Variants in GSN observed in about 807,000 individuals in gnomAD.
The protein encoded by GSN is gelsolin, also known as actin-depolymerizing factor.
GSN carries 56 observed loss-of-function variants against 85.7 expected under a neutral mutation model. The observed-to-expected ratio is 0.65, with a 90% CI of 0.53 to 0.82. The LOEUF (loss-of-function observed/expected upper bound fraction) is 0.82. Among genes scored for constraint, GSN ranks in the 40% least tolerant of loss-of-function variants. GSN has a pLI of 0.00. For synonymous variants in GSN, 373 were observed against 399.1 expected (o/e 0.93, Z 0.78); for missense variants, 857 against 979.8 (o/e 0.87, Z 1.67).
intron 4 of GSN, among the ~76,000 whole-genome samples, chr9:121,216,670 C>T (rs1007119163): frequency 2.6e-5 from 4 of 152,184 alleles, no homozygotes; most frequent in Admixed American, 2.0e-4. Flanking sequence ...CAGGACTTCT[C>T]CCTGTTTTCT....
At chr9:121,320,517 C>A (rs949591744) in intron 10 of GSN, among the ~76,000 whole-genome samples, 2 of 152,064 alleles carry the variant, frequency 1.3e-5, no homozygotes, top group African/African-American at 4.8e-5. Flanking sequence ...TGGTGGCAGG[C>A]ACCTGTAATC....
chr9:121,272,165 G>A (rs1395698919), intron 1 of GSN, among the ~76,000 whole-genome samples: 1 of 152,198 alleles, frequency 6.6e-6, no homozygotes, highest in Non-Finnish European at 1.5e-5. Context: ...GAGACCACAG[G>A]CAGGCTCAGT....
chr9:121,262,768 G>T (rs563652319), intron 6 of GSN, among the ~76,000 whole-genome samples: 13 of 152,278 alleles, frequency 8.5e-5, no homozygotes, highest in African/African-American at 2.9e-4. Context: ...TAAAATAGTG[G>T]GACAAACACA....
chr9:121,329,243 A>G lies in GSN; in HGVS notation c.1893A>G (p.Glu631=). 1 of 1,610,250 alleles carries G rather than the reference A, an allele frequency of 6.2e-7. No homozygotes were observed. The highest frequency in any genetic ancestry group is 8.5e-7 in the Non-Finnish European group (1 of 1,176,474). ...GCTCTTTCGTTCCTTCCCAGATCGA[A>G]GAGGTTCCTGGTGAGCTCATGCAGG... The part of the protein sequence containing the change: ...CSNKIGRFVI[E]EVPGELMQED... The change falls in exon 16 of 18, where the codon GAA becomes GAG. Residue 631 remains glutamate, a synonymous_variant. Transcript: ENST00000432226. This position sits in a 1 kb window ranked among gnomAD's most constrained non-coding sequence, Gnocchi z 4.6.
chr9:121,257,793 C>T (rs958150279), intron 6 of GSN, among the ~76,000 whole-genome samples: 1 of 152,060 alleles, frequency 6.6e-6, no homozygotes, highest in Non-Finnish European at 1.5e-5. Context: ...ATCACTTGAA[C>T]CTGGGATGTG....
Position 121,299,277 on chromosome 9 carries a change from C to T in GSN, c.-9-2686C>T. The stretch of plus-strand genomic sequence containing the variant: ...GCCGGCTTCACCTGCCCACGGGAGC[C>T]GGGTCCCCTGCCCTGCTGCGGCGCA... On this transcript the variant is annotated intron_variant, in intron 2 of 17. Coordinates refer to ENST00000432226, the MANE Select transcript of GSN (RefSeq NM_198252.3). The surrounding 1 kb of genome is among the most constrained non-coding windows in gnomAD (Gnocchi z 4.2). 1.0e-6 allele frequency: 1 copy of T among 985,194 alleles called. No individual in the cohort carries two copies. Among genetic ancestry groups the T allele is most frequent in the Non-Finnish European group, 1.2e-6 (1 of 829,694 alleles). 61.0% of individuals were successfully genotyped at this position (985,194 alleles called of 1,614,324 possible).
At chr9:121,238,831 C>T in intron 5 of GSN, 2 of 529,172 alleles carry the variant, frequency 3.8e-6, no homozygotes, top group Non-Finnish European at 7.7e-6. Context: ...CTAAGGGCTT[C>T]TTCTCCAACT....
At chr9:121,277,971 C>G (rs951886931) in intron 1 of GSN, among the ~76,000 whole-genome samples, 3 of 151,148 alleles carry the variant, frequency 2.0e-5, no homozygotes, top group Non-Finnish European at 4.4e-5. Context: ...GCCTATGGAG[C>G]CTAAAATATT....
chr9:121,269,985 A>G (rs2055695885), intron 1 of GSN, among the ~76,000 whole-genome samples: 1 of 152,206 alleles, frequency 6.6e-6, no homozygotes, highest in African/African-American at 2.4e-5. Context: ...CTTGCCATCT[A>G]TACTGTTTGA....
intron 10 of GSN, among the ~76,000 whole-genome samples, chr9:121,320,785 G>T (rs1178298040): frequency 1.3e-5 from 2 of 152,236 alleles, no homozygotes; most frequent in Non-Finnish European, 2.9e-5. Flanking sequence ...GTCCCTTTGT[G>T]CCGGGCCCTG....
At chr9:121,317,381 T>C in intron 8 of GSN, 163 bp downstream of exon 8, 1 of 780,602 alleles carries the variant, frequency 1.3e-6, no homozygotes, top group Non-Finnish European at 2.2e-6. Flanking sequence ...ACATACTGTG[T>C]GATCTTGGGC....
chr9:121,329,021 C>T lies in GSN; in HGVS notation c.1887+6C>T. 6.2e-7 allele frequency: 1 copy of T among 1,613,338 alleles called. No individual in the cohort carries two copies. The highest frequency in any genetic ancestry group is 8.5e-7 in the Non-Finnish European group (1 of 1,179,926). ...ACAAGATTGGACGTTTTGTGGTGAG[C>T]CCCTGCGGAGGTCACACCTCTGCTT... On this transcript the variant is annotated splice_donor_region_variant and intron_variant, in intron 15 of 17. Transcript: ENST00000432226. This position sits in a 1 kb window ranked among gnomAD's most constrained non-coding sequence, Gnocchi z 4.6.
chr9:121,299,300 G>T lies in GSN; in HGVS notation c.-9-2663G>T. 2.0e-6 allele frequency: 2 copies of T among 985,142 alleles called. No individual in the cohort carries two copies. The highest frequency in any genetic ancestry group is 2.4e-6 in the Non-Finnish European group (2 of 829,734). 61.0% of individuals were successfully genotyped at this position (985,142 alleles called of 1,614,324 possible). A position where few individuals can be genotyped will look rare whatever the true frequency, so the allele number is the denominator to read the frequency against. On this transcript the variant is annotated intron_variant, in intron 2 of 17. Coordinates refer to ENST00000432226, the MANE Select transcript of GSN (RefSeq NM_198252.3). This position sits in a 1 kb window ranked among gnomAD's most constrained non-coding sequence, Gnocchi z 4.2. The stretch of plus-strand genomic sequence containing the variant: ...GCCGGGTCCCCTGCCCTGCTGCGGC[G>T]CATGCTGCCTGGTGGGGGTTCTGCC...
intron 6 of GSN, among the ~76,000 whole-genome samples, chr9:121,250,314 C>T (rs2054794062): frequency 1.3e-5 from 2 of 151,598 alleles, no homozygotes; most frequent in East Asian, 1.9e-4. Context: ...AAGTGAATCT[C>T]CTGCCTCAGC....
rs138677601 is a variant in GSN, at chr9:121,310,846, G to A, written c.513+1G>A. 59 of 1,613,746 alleles carry A rather than the reference G, an allele frequency of 3.7e-5. No homozygotes were observed. Among genetic ancestry groups the A allele is most frequent in the East Asian group, 3.3e-4 (15 of 44,890 alleles). On this transcript the variant is annotated splice_donor_variant, in intron 5 of 17. Transcript: ENST00000432226. LOFTEE classifies it high-confidence loss of function. Reference sequence around the variant, plus strand: ...CTGCTTCATCCTGGACCTGGGCAACGTGAGTCCTGCTTTCCTCTTTCCCAG... The same window carrying A: ...CTGCTTCATCCTGGACCTGGGCAACATGAGTCCTGCTTTCCTCTTTCCCAG...
intron 6 of GSN, among the ~76,000 whole-genome samples, chr9:121,259,720 C>T (rs991000037): frequency 6.6e-6 from 1 of 151,916 alleles, no homozygotes; most frequent in Non-Finnish European, 1.5e-5. Context: ...GCTTAAGAGC[C>T]GTGACTGTTG....
At position 121,327,395 on chromosome 9, in the gene GSN, G is replaced by A. The variant is rs1022049924; in HGVS notation, c.1675G>A (p.Ala559Thr). ...CGCCTACCTGTGGGTGGGTACAGGA[G>A]CCAGCGAGGCAGAGAAGACGGGGGC... ...SAAYLWVGTG[A>T]SEAEKTGAQE... Residue 559 changes from alanine (A) to threonine (T), a missense_variant, in exon 14 of 18, where the codon GCC (alanine) becomes ACC (threonine). By Grantham distance (58) the Ala-to-Thr change is moderately conservative. Transcript: ENST00000432226. The A allele has an allele frequency of 1.2e-6, 2 of 1,613,486 alleles. No individual in the cohort carries two copies. Among genetic ancestry groups the A allele is most frequent in the Middle Eastern group, 1.7e-4 (1 of 6,028 alleles).
chr9:121,317,306 G>A (rs1249365797), intron 8 of GSN, 88 bp downstream of exon 8: 2 of 1,378,320 alleles, frequency 1.5e-6, no homozygotes, highest in Middle Eastern at 1.8e-4. Flanking sequence ...CTCCCGGGGA[G>A]TGTGGAGTGT....
intron 1 of GSN, among the ~76,000 whole-genome samples, chr9:121,274,613 G>A (rs1481410064): frequency 6.6e-6 from 1 of 152,186 alleles, no homozygotes; most frequent in Admixed American, 6.5e-5. Context: ...CTACAGTGAG[G>A]GAGAGAGTTT....
Sources: gnomAD v4.1 joint callset for allele counts (sites outside exome capture counted in the v4.1 genomes callset) on GRCh38, gnomAD v4.1.1 for gene constraint, Gnocchi (gnomAD v3.1) non-coding constraint, MANE v1.5 for transcripts, NCBI Gene and HGNC (gene_info 2026-07-23, HGNC 2026-07-21) for gene names.